The following HYCC2 variants were observed in gnomAD, a reference collection of about 807,000 sequenced individuals.
HYCC2 encodes the protein hyccin PI4KA lipid kinase complex subunit 2.
the HYCC2 span, among the ~76,000 whole-genome samples, chr2:201,047,465 T>TATATATAC: frequency 3.7e-4 from 55 of 148,886 alleles, no homozygotes; most frequent in African/African-American, 1.4e-3. Context: ...TATATATATA[T>TATATATAC]ACACACACAC....
chr2:201,036,850 C>T, the HYCC2 span, among the ~76,000 whole-genome samples: 2 of 152,182 alleles, frequency 1.3e-5, no homozygotes, highest in Non-Finnish European at 1.5e-5. Flanking sequence ...TAGGGATGCC[C>T]TCTCTCACCA....
the HYCC2 span, among the ~76,000 whole-genome samples, chr2:201,036,042 A>G: frequency 6.6e-6 from 1 of 152,148 alleles, no homozygotes; most frequent in South Asian, 2.1e-4. Flanking sequence ...TAGATGCAAT[A>G]AAAAATGATA....
At chr2:201,020,394 G>A in the HYCC2 span, among the ~76,000 whole-genome samples, 1 of 151,986 alleles carries the variant, frequency 6.6e-6, no homozygotes, top group Non-Finnish European at 1.5e-5. Flanking sequence ...AAGAATGTGA[G>A]GTGAAGAAAT....
the HYCC2 span, chr2:201,011,569 G>T: frequency 1.5e-6 from 1 of 667,322 alleles, no homozygotes. Flanking sequence ...ATTGGCAGTA[G>T]GAAGATTTTT....
chr2:201,025,087 T>A, the HYCC2 span, among the ~76,000 whole-genome samples: 4 of 152,198 alleles, frequency 2.6e-5, no homozygotes, highest in East Asian at 7.7e-4. Flanking sequence ...CACTCTAGCC[T>A]AGGCAACAGA....
At chr2:201,049,552 A>AC in the HYCC2 span, among the ~76,000 whole-genome samples, 1 of 149,550 alleles carries the variant, frequency 6.7e-6, no homozygotes. Context: ...ACGGGGTTTC[A>AC]CCACGTTGGC....
the HYCC2 span, among the ~76,000 whole-genome samples, chr2:201,069,540 AGAAACACACAC>A: frequency 1.0e-5 from 1 of 97,448 alleles, no homozygotes; most frequent in East Asian, 2.8e-4. Flanking sequence ...TTACATAAGA[AGAAACACACAC>A]ACACACACAC....
the HYCC2 span, among the ~76,000 whole-genome samples, chr2:201,011,735 A>G: frequency 5.3e-5 from 8 of 152,226 alleles, no homozygotes; most frequent in Non-Finnish European, 2.9e-5. Context: ...ACAATATGAC[A>G]GCAAAGACAT....
the HYCC2 span, among the ~76,000 whole-genome samples, chr2:200,999,578 C>T: frequency 6.6e-6 from 1 of 151,234 alleles, no homozygotes; most frequent in Non-Finnish European, 1.5e-5. Context: ...TTAGTAGCGA[C>T]AGGGTTTCAC....
At chr2:200,999,352 C>T in the HYCC2 span, among the ~76,000 whole-genome samples, 3 of 151,842 alleles carry the variant, frequency 2.0e-5, no homozygotes, top group Non-Finnish European at 4.4e-5. Flanking sequence ...CATATATTAA[C>T]ATGGTCAGAG....
chr2:201,066,090 T>A, the HYCC2 span, among the ~76,000 whole-genome samples: 3 of 152,154 alleles, frequency 2.0e-5, no homozygotes, highest in East Asian at 5.8e-4. Flanking sequence ...TTTTTTTTTT[T>A]CTTTGGAGAC....
chr2:201,013,752 T>C, the HYCC2 span, among the ~76,000 whole-genome samples: 1 of 152,294 alleles, frequency 6.6e-6, no homozygotes, highest in East Asian at 1.9e-4. Context: ...ATGGGCCTGA[T>C]TTAAGTTAAG....
chr2:201,037,425 C>T, the HYCC2 span, among the ~76,000 whole-genome samples: 3 of 152,188 alleles, frequency 2.0e-5, no homozygotes, highest in East Asian at 5.8e-4. Context: ...AAAGAGCCCG[C>T]ATTGCCAAGT....
At chr2:201,053,216 G>A in the HYCC2 span, among the ~76,000 whole-genome samples, 35 of 151,808 alleles carry the variant, frequency 2.3e-4, no homozygotes, top group Non-Finnish European at 4.4e-4. Context: ...TCCGCCTCCT[G>A]GGTTCAAGTG....
At chr2:200,992,330 T>A in the HYCC2 span, 1 of 1,612,328 alleles carries the variant, frequency 6.2e-7, no homozygotes, top group Non-Finnish European at 8.5e-7. Flanking sequence ...AATGATATCA[T>A]CAAGAACTTC....
At chr2:201,063,011 T>A in the HYCC2 span, 2 of 1,513,498 alleles carry the variant, frequency 1.3e-6, no homozygotes, top group Non-Finnish European at 1.8e-6. Flanking sequence ...CATCAAGTAC[T>A]ATAATAAAAA....
chr2:201,022,741 G>C, the HYCC2 span: 2 of 792,256 alleles, frequency 2.5e-6, no homozygotes, highest in Non-Finnish European at 3.8e-6. Context: ...AGATCCACAA[G>C]GAAAGAAAAT....
At chr2:200,983,207 CAT>C in the HYCC2 span, among the ~76,000 whole-genome samples, 2 of 152,172 alleles carry the variant, frequency 1.3e-5, no homozygotes, top group African/African-American at 4.8e-5. Context: ...TTCAATAACT[CAT>C]ATTGGTTTGC....
the HYCC2 span, chr2:201,021,397 G>C: frequency 6.5e-6 from 1 of 153,552 alleles, no homozygotes; most frequent in Non-Finnish European, 1.5e-5. Flanking sequence ...TTCTAGCCAT[G>C]AAACCCCCAA....
Sources: gnomAD v4.1 joint callset for allele counts (sites outside exome capture counted in the v4.1 genomes callset) on GRCh38, gnomAD v4.1.1 for gene constraint, MANE v1.5 for transcripts, NCBI Gene and HGNC (gene_info 2026-07-23, HGNC 2026-07-21) for gene names.